RGS6: variants seen among roughly 807,000 people sequenced by gnomAD.
RGS6 encodes the protein regulator of G protein signaling 6.
Under a neutral mutation model 78.5 loss-of-function variants are expected in RGS6, and 30 were observed. The ratio of observed to expected loss-of-function variants is 0.38; its 90% CI spans 0.29 to 0.52. The LOEUF (loss-of-function observed/expected upper bound fraction) is 0.52. RGS6 is among the 20% of genes least tolerant of loss of function. The probability of loss-of-function intolerance (pLI) is 0.85; values close to 1 mark genes in which losing one functional copy is unlikely to be tolerated. For synonymous variants in RGS6, 206 were observed against 206.0 expected, an observed-to-expected ratio of 1.00 and a Z score of 0.00; for missense variants, 495 against 609.7, an observed-to-expected ratio of 0.81 and a Z score of 1.98.
intron 2 of RGS6, among the ~76,000 whole-genome samples, chr14:72,091,266 T>G (rs2095261119): frequency 6.6e-6 from 1 of 152,176 alleles, no homozygotes; most frequent in Admixed American, 6.5e-5. Context: ...TTGCTTATGC[T>G]CTCTGCTGTA....
At chr14:72,280,107 G>T (rs79931382) in intron 2 of RGS6, among the ~76,000 whole-genome samples, 2 of 151,962 alleles carry the variant, frequency 1.3e-5, no homozygotes, top group Non-Finnish European at 2.9e-5. Context: ...GGTCCCCACC[G>T]CCACGCCCCC....
At chr14:72,406,760 C>G (rs2092962501) in intron 3 of RGS6, among the ~76,000 whole-genome samples, 1 of 152,162 alleles carries the variant, frequency 6.6e-6, no homozygotes, top group South Asian at 2.1e-4. Flanking sequence ...ACAAAACTCC[C>G]AAACCAGCCA....
At position 71,986,468 on chromosome 14, in the gene RGS6, C is replaced by G. The variant is rs1311656166; in HGVS notation, c.84+21593C>G. Among the ~76,000 whole-genome samples, 5 of 152,138 alleles carry G rather than the reference C, an allele frequency of 3.3e-5. No homozygotes were observed. In the East Asian group the frequency reaches 9.7e-4, roughly 29 times the overall value. On this transcript the variant is annotated intron_variant, in intron 2 of 17. Transcript: ENST00000553525. ...CCTGTAATTCCAGCACTTTGGGAGG[C>G]TGAGATGGGATTGCTTGAGCTCAGG...
chr14:72,404,464 C>T (rs1176074286), intron 3 of RGS6, among the ~76,000 whole-genome samples: 1 of 152,184 alleles, frequency 6.6e-6, no homozygotes, highest in Non-Finnish European at 1.5e-5. Flanking sequence ...ACCCTTTACC[C>T]CAGGGAAACC....
chr14:71,953,250 T>A (rs2092496703), intron 1 of RGS6, among the ~76,000 whole-genome samples: 1 of 152,148 alleles, frequency 6.6e-6, no homozygotes, highest in Non-Finnish European at 1.5e-5. Context: ...AACCAAAGGC[T>A]TGGACTTGTT....
the RGS6 span, among the ~76,000 whole-genome samples, chr14:71,914,124 ACT>A: frequency 8.6e-5 from 13 of 151,740 alleles, no homozygotes; most frequent in East Asian, 2.5e-3. Flanking sequence ...CTTCTCTGAG[ACT>A]CTCCTGGTCC....
At chr14:72,508,955 G>C (rs2096845209) in intron 13 of RGS6, among the ~76,000 whole-genome samples, 1 of 152,156 alleles carries the variant, frequency 6.6e-6, no homozygotes, top group Admixed American at 6.5e-5. Flanking sequence ...TAAATGGAAA[G>C]ACAGAAGCTG....
At chr14:72,561,537 G>A (rs1405730379) in intron 17 of RGS6, among the ~76,000 whole-genome samples, 2 of 152,166 alleles carry the variant, frequency 1.3e-5, no homozygotes, top group East Asian at 1.9e-4. Context: ...CCTCGCTCGT[G>A]CCCCTCACCC....
chr14:72,089,941 A>C (rs2095206409), intron 2 of RGS6, among the ~76,000 whole-genome samples: 2 of 152,088 alleles, frequency 1.3e-5, no homozygotes, highest in African/African-American at 4.8e-5. Flanking sequence ...AGGAAGGGAG[A>C]TTGGAAACAG....
chr14:72,377,372 A>G (rs985799604), intron 3 of RGS6, among the ~76,000 whole-genome samples: 1 of 152,206 alleles, frequency 6.6e-6, no homozygotes, highest in Admixed American at 6.5e-5. Context: ...TATACACTTA[A>G]CACTAGGGCA....
chr14:72,234,402 C>T (rs1420754774), intron 2 of RGS6, among the ~76,000 whole-genome samples: 1 of 151,584 alleles, frequency 6.6e-6, no homozygotes, highest in African/African-American at 2.4e-5. Flanking sequence ...ATGCCAGCTG[C>T]TTATTTTGTG....
At chr14:72,115,469 T>C (rs767335035) in intron 2 of RGS6, among the ~76,000 whole-genome samples, 12 of 152,158 alleles carry the variant, frequency 7.9e-5, no homozygotes, top group Non-Finnish European at 1.5e-4. Flanking sequence ...GGAACTTCCA[T>C]GATGGAGGCG....
chr14:72,093,845 G>A (rs1008578005), intron 2 of RGS6, among the ~76,000 whole-genome samples: 2 of 152,056 alleles, frequency 1.3e-5, no homozygotes, highest in Non-Finnish European at 2.9e-5. Context: ...TAACAAAGCA[G>A]TTTATTCATT....
chr14:72,321,475 G>T (rs2072010111), intron 2 of RGS6, among the ~76,000 whole-genome samples: 1 of 151,936 alleles, frequency 6.6e-6, no homozygotes. Context: ...CTAAAGCAAA[G>T]TGTCTCGCAA....
intron 1 of RGS6, among the ~76,000 whole-genome samples, chr14:71,960,190 T>A (rs1019852538): frequency 6.6e-6 from 1 of 152,208 alleles, no homozygotes; most frequent in African/African-American, 2.4e-5. Flanking sequence ...GATTCACGAA[T>A]CTGTTTGTGT....
chr14:72,222,609 G>A (rs1190755555), intron 2 of RGS6, among the ~76,000 whole-genome samples: 1 of 152,206 alleles, frequency 6.6e-6, no homozygotes, highest in East Asian at 1.9e-4. Flanking sequence ...AATGCAGGGT[G>A]AGCTTGCAAA....
intron 15 of RGS6, among the ~76,000 whole-genome samples, chr14:72,534,527 T>C (rs547113500): frequency 1.1e-4 from 16 of 152,346 alleles, no homozygotes; most frequent in Non-Finnish European, 2.1e-4. Flanking sequence ...ATGACAGGAT[T>C]TCCTTCTTTG....
At chr14:72,166,153 T>C (rs971765603) in intron 2 of RGS6, among the ~76,000 whole-genome samples, 1 of 151,570 alleles carries the variant, frequency 6.6e-6, no homozygotes, top group African/African-American at 2.4e-5. Context: ...GACTTTGTTA[T>C]TCCTTACTGG....
chr14:72,439,588 A>G (rs148346651), intron 3 of RGS6, among the ~76,000 whole-genome samples: 1 of 152,330 alleles, frequency 6.6e-6, no homozygotes, highest in Non-Finnish European at 1.5e-5. Context: ...CCTATGCAAT[A>G]AATACTTTCT....
Sources: gnomAD v4.1 joint callset for allele counts (sites outside exome capture counted in the v4.1 genomes callset) on GRCh38, gnomAD v4.1.1 for gene constraint, MANE v1.5 for transcripts, NCBI Gene and HGNC (gene_info 2026-07-23, HGNC 2026-07-21) for gene names.